The following PARG variants were observed in gnomAD, a reference collection of about 807,000 sequenced individuals.
PARG encodes the protein poly(ADP-ribose) glycohydrolase.
A neutral mutation model predicts 113.0 loss-of-function variants in PARG; 35 were observed. The ratio of observed to expected loss-of-function variants is 0.31; its 90% CI spans 0.24 to 0.41. The LOEUF (loss-of-function observed/expected upper bound fraction) is 0.41, where lower values mean the gene tolerates loss of function less well. PARG is among the 10% of genes least tolerant of loss of function. PARG has a pLI of 1.00. For missense variants in PARG, 797 were observed against 1,169.4 expected, an observed-to-expected ratio of 0.68 and a Z score of 4.64; for synonymous variants, 330 against 409.9, an observed-to-expected ratio of 0.81 and a Z score of 2.36.
chr10:49,868,269 G>A (rs1554837269), intron 10 of PARG, among the ~76,000 whole-genome samples: 1 of 152,178 alleles, frequency 6.6e-6, no homozygotes, highest in Non-Finnish European at 1.5e-5. Context: ...TTACAGGCGT[G>A]AGCCACCGTG....
At chr10:49,890,274 G>A (rs1847705182) in intron 7 of PARG, among the ~76,000 whole-genome samples, 1 of 152,130 alleles carries the variant, frequency 6.6e-6, no homozygotes, top group African/African-American at 2.4e-5. Flanking sequence ...GCGCGTGTGT[G>A]TGTAGCAACT....
At position 49,933,821 on chromosome 10, in the gene PARG, C is replaced by T; in HGVS notation, c.627G>A (p.Gln209=). The T allele has an allele frequency of 1.2e-6, 2 of 1,612,768 alleles. No individual in the cohort carries two copies. Among genetic ancestry groups the T allele is most frequent in the East Asian group, 2.2e-5 (1 of 44,874 alleles). ...TTGCAAGCTTTACAGTTGTGAGAAA[C>T]TGTTGATTGTCTCTATTCTCTTCAC... is the stretch of plus-strand genomic sequence containing the variant. The part of the protein sequence containing the change: ...TDSEENRDNQ[Q]FLTTVKLANA... The change falls in exon 3 of 18, where the codon CAG becomes CAA. Residue 209 remains glutamine, a synonymous_variant. Transcript: ENST00000616448.
chr10:49,929,660 T>C (rs1226402349), intron 4 of PARG, among the ~76,000 whole-genome samples: 3 of 152,104 alleles, frequency 2.0e-5, no homozygotes, highest in Admixed American at 1.3e-4. Context: ...AAACCCCGTC[T>C]CTACTAAAAT....
At position 49,820,189 on chromosome 10, in the gene PARG, G is replaced by C; in HGVS notation, c.2752C>G (p.Leu918Val). 6.5e-7 allele frequency: 1 copy of C among 1,547,390 alleles called. No homozygotes were observed. Among genetic ancestry groups the C allele is most frequent in the Non-Finnish European group, 8.7e-7 (1 of 1,143,190 alleles). Residue 918 changes from leucine (L) to valine (V), a missense_variant, in exon 17 of 18, where the codon CTT becomes GTT. Transcript: ENST00000616448. ...CCAACAGTGAGTTTCCTTTCAGTAA[G>C]GAAAATGTGCATGCTGTAAATGTCT... The part of the protein sequence containing the change: ...MRDIYSMHIF[L>V]TERKLTVGDV...
rs1415752538 is a variant in PARG at position 49,820,213 on chromosome 10, C to G, written c.2728G>C (p.Asp910His). 1.3e-6 allele frequency: 2 copies of G among 1,546,396 alleles called. No individual in the cohort carries two copies. Among genetic ancestry groups the G allele is most frequent in the East Asian group, 4.9e-5 (2 of 40,888 alleles). Residue 910 changes from aspartate (D) to histidine (H), a missense_variant, in exon 17 of 18, where the codon GAC becomes CAC. This residue lies in a region of PARG where 194 missense variants were observed against 247.1 expected (regional missense o/e 0.79). Transcript: ENST00000616448. The stretch of plus-strand genomic sequence containing the variant: ...AGGAAAATGTGCATGCTGTAAATGT[C>G]TCTCATCAATTCTGAGTCCCCAAAG... ...FTFGDSELMR[D>H]IYSMHIFLTE...
intron 11 of PARG, among the ~76,000 whole-genome samples, chr10:49,862,952 A>G (rs1304943166): frequency 4.1e-5 from 6 of 147,364 alleles, no homozygotes; most frequent in Non-Finnish European, 7.5e-5. Flanking sequence ...GCTGTCAGTC[A>G]GGACTTCAGA....
chr10:49,922,444 G>A, intron 5 of PARG, 25 bp from the exon 6 acceptor site: 2 of 1,609,536 alleles, frequency 1.2e-6, no homozygotes, highest in Non-Finnish European at 1.7e-6. Context: ...AAAAACATAT[G>A]AGGAAGCTAT....
chr10:49,864,170 T>C (rs1209947054), intron 11 of PARG, among the ~76,000 whole-genome samples: 1 of 152,038 alleles, frequency 6.6e-6, no homozygotes, highest in South Asian at 2.1e-4. Flanking sequence ...ATTACAGAGC[T>C]GATCAAGAGT....
intron 4 of PARG, among the ~76,000 whole-genome samples, chr10:49,925,681 A>C (rs191502659): frequency 2.0e-5 from 3 of 152,378 alleles, no homozygotes; most frequent in East Asian, 1.9e-4. Context: ...AACTATGGAA[A>C]GAAGACTGTC....
intron 9 of PARG, among the ~76,000 whole-genome samples, chr10:49,876,631 G>A (rs183429543): frequency 3.0e-4 from 46 of 152,290 alleles, no homozygotes; most frequent in African/African-American, 9.9e-4. Flanking sequence ...AAACTGATAC[G>A]TGAACTGAGT....
intron 10 of PARG, chr10:49,866,948 A>C (rs1176731070): frequency 6.6e-6 from 1 of 151,538 alleles, no homozygotes; most frequent in Non-Finnish European, 1.5e-5. Flanking sequence ...TATAAAATAC[A>C]CATGTTTAAC....
intron 15 of PARG, among the ~76,000 whole-genome samples, chr10:49,836,336 T>TTTTC (rs370070934): frequency 7.2e-6 from 1 of 138,636 alleles, no homozygotes; most frequent in Non-Finnish European, 1.5e-5. Context: ...TTTTTTTTTT[T>TTTTC]AGCCCAGGCT....
intron 7 of PARG, among the ~76,000 whole-genome samples, chr10:49,910,187 G>A (rs1351174692): frequency 6.6e-6 from 1 of 151,940 alleles, no homozygotes; most frequent in African/African-American, 2.4e-5. Context: ...CAGTGATAGA[G>A]GCTTTAAACA....
At chr10:49,820,505 TGAGACCAGGAGTTC>T (rs1844018250) in intron 16 of PARG, among the ~76,000 whole-genome samples, 1 of 152,012 alleles carries the variant, frequency 6.6e-6, no homozygotes, top group South Asian at 2.1e-4. Context: ...GCAGATCACC[TGAGACCAGGAGTTC>T]GAGACCAGCC....
chr10:49,865,500 G>A (rs2132559072), intron 10 of PARG, 119 bp from the exon 11 acceptor site: 3 of 431,790 alleles, frequency 6.9e-6, no homozygotes, highest in East Asian at 3.9e-5. Context: ...AAAAGAATAG[G>A]TCTAACATTG....
At chr10:49,841,255 A>AAAAAAAAG (rs1229373841) in intron 15 of PARG, among the ~76,000 whole-genome samples, 1 of 151,940 alleles carries the variant, frequency 6.6e-6, no homozygotes, top group African/African-American at 2.4e-5. Context: ...CTCCATCTCA[A>AAAAAAAAG]AAAAAAAGAA....
At chr10:49,885,756 C>G (rs1372520316) in intron 7 of PARG, among the ~76,000 whole-genome samples, 1 of 152,144 alleles carries the variant, frequency 6.6e-6, no homozygotes, top group African/African-American at 2.4e-5. Flanking sequence ...GACTTCAGAG[C>G]ATACTCTATG....
intron 8 of PARG, among the ~76,000 whole-genome samples, chr10:49,881,883 G>C (rs1847234007): frequency 6.6e-6 from 1 of 152,114 alleles, no homozygotes; most frequent in Admixed American, 6.5e-5. Flanking sequence ...AGCTCATATT[G>C]ATCTCCATTT....
rs1838616036 is a variant in PARG, at chr10:49,933,897, T to C, written c.551A>G (p.Asn184Ser). 8 of 1,599,680 alleles carry C rather than the reference T, an allele frequency of 5.0e-6. No homozygotes were observed. Among genetic ancestry groups the C allele is most frequent in the Non-Finnish European group, 6.0e-6 (7 of 1,167,016 alleles). The stretch of plus-strand genomic sequence containing the variant: ...TTGAGGTGACCGATCAATGTTAGCA[T>C]TACTAAACTGCTCTGGTACCAGGGT... ...TVTLVPEQFSNANIDRSPQND... is the reference protein window; with the variant it reads ...TVTLVPEQFSSANIDRSPQND... Residue 184 changes from asparagine to serine, a missense_variant, in exon 3 of 18, where the codon AAT becomes AGT. Coordinates refer to ENST00000616448, the MANE Select transcript of PARG (RefSeq NM_003631.5).
Sources: allele counts gnomAD v4.1 joint callset (sites outside exome capture counted in the v4.1 genomes callset), GRCh38; gene constraint gnomAD v4.1.1; regional missense constraint gnomAD v4.1.1; transcripts MANE v1.5; gene names NCBI Gene and HGNC (gene_info 2026-07-23, HGNC 2026-07-21).